Variants in KCNQ5 observed in about 807,000 individuals in gnomAD.
KCNQ5 encodes potassium voltage-gated channel subfamily KQT member 5.
Under a neutral mutation model 98.2 loss-of-function variants are expected in KCNQ5, and 30 were observed. The ratio of observed to expected loss-of-function variants is 0.31; its 90% confidence interval spans 0.23 to 0.41. The LOEUF (loss-of-function observed/expected upper bound fraction) is 0.41. Ranked by LOEUF, KCNQ5 falls within the 10% of genes least tolerant of loss-of-function variation. KCNQ5 has a pLI of 1.00. For missense variants in KCNQ5, 835 were observed against 1,182.5 expected, an observed-to-expected ratio of 0.71 and a Z score of 4.31; for synonymous variants, 458 against 449.4, an observed-to-expected ratio of 1.02 and a Z score of -0.24.
chr6:72,689,999 C>T (rs1028088348), intron 1 of KCNQ5, among the ~76,000 whole-genome samples: 3 of 152,130 alleles, frequency 2.0e-5, no homozygotes, highest in East Asian at 1.9e-4. Flanking sequence ...AATGGCCAGG[C>T]GCGGTTGCTT....
intron 1 of KCNQ5, among the ~76,000 whole-genome samples, chr6:72,651,127 A>T (rs925921589): frequency 2.6e-5 from 4 of 152,122 alleles, no homozygotes; most frequent in African/African-American, 9.7e-5. Flanking sequence ...ATTTGTTCAT[A>T]TATTTAACAT....
At chr6:72,880,034 A>G (rs928330452) in intron 1 of KCNQ5, among the ~76,000 whole-genome samples, 3 of 152,102 alleles carry the variant, frequency 2.0e-5, no homozygotes, top group Non-Finnish European at 2.9e-5. Context: ...GTTATGTCTA[A>G]TCTTGGATCT....
intron 9 of KCNQ5, among the ~76,000 whole-genome samples, chr6:73,125,038 G>T (rs4706530): frequency 0.99 from 129,228 of 130,792 alleles, 63,848 homozygotes; most frequent in East Asian, 1. Context: ...TATATGTATA[G>T]GTATATATAC....
At chr6:72,637,264 A>T (rs375834716) in intron 1 of KCNQ5, among the ~76,000 whole-genome samples, 1 of 142,344 alleles carries the variant, frequency 7.0e-6, no homozygotes, top group Non-Finnish European at 1.6e-5. Flanking sequence ...GTTTTTTTTT[A>T]ACAAAATGAA....
intron 1 of KCNQ5, among the ~76,000 whole-genome samples, chr6:72,923,517 G>A (rs1239933053): frequency 1.3e-5 from 2 of 152,070 alleles, no homozygotes; most frequent in African/African-American, 4.8e-5. Flanking sequence ...ATACCTGCCA[G>A]TCATTTGTGT....
intron 1 of KCNQ5, among the ~76,000 whole-genome samples, chr6:72,780,847 G>A (rs1773427281): frequency 6.6e-6 from 1 of 152,056 alleles, no homozygotes; most frequent in South Asian, 2.1e-4. Flanking sequence ...ACTTACTCTG[G>A]ATCAGGCACT....
chr6:72,882,388 G>T (rs1778667605), intron 1 of KCNQ5, among the ~76,000 whole-genome samples: 1 of 152,130 alleles, frequency 6.6e-6, no homozygotes, highest in South Asian at 2.1e-4. Context: ...GCAGAGCAGG[G>T]TACGGGCATC....
intron 1 of KCNQ5, among the ~76,000 whole-genome samples, chr6:72,805,009 A>G (rs1401212484): frequency 3.3e-5 from 5 of 152,010 alleles, no homozygotes; most frequent in Admixed American, 3.3e-4. Context: ...TTAAAATCAG[A>G]TTATTGGATT....
At chr6:73,076,963 C>T (rs919846592) in intron 3 of KCNQ5, among the ~76,000 whole-genome samples, 2 of 152,134 alleles carry the variant, frequency 1.3e-5, no homozygotes, top group South Asian at 2.1e-4. Flanking sequence ...AAGGATGAAA[C>T]GAGAGACATT....
At chr6:72,854,489 A>T (rs1432819395) in intron 1 of KCNQ5, among the ~76,000 whole-genome samples, 2 of 151,804 alleles carry the variant, frequency 1.3e-5, no homozygotes, top group Non-Finnish European at 2.9e-5. Flanking sequence ...ATTCAATATT[A>T]CTATGAAATT....
intron 1 of KCNQ5, among the ~76,000 whole-genome samples, chr6:72,768,069 A>G (rs1772670362): frequency 6.6e-6 from 1 of 152,122 alleles, no homozygotes; most frequent in African/African-American, 2.4e-5. Context: ...TGTTCATAAT[A>G]GCCTAAAAGT....
chr6:72,888,777 C>T (rs1778946201), intron 1 of KCNQ5, among the ~76,000 whole-genome samples: 1 of 152,150 alleles, frequency 6.6e-6, no homozygotes, highest in South Asian at 2.1e-4. Context: ...TACTTTTCTG[C>T]CATGTTGCAT....
At chr6:72,704,786 C>T (rs565801554) in intron 1 of KCNQ5, among the ~76,000 whole-genome samples, 103 of 152,018 alleles carry the variant, frequency 6.8e-4, no homozygotes, top group Non-Finnish European at 1.2e-3. Context: ...AAACAACATG[C>T]TATGTCTTTC....
At chr6:73,164,084 T>G (rs563716346) in intron 10 of KCNQ5, among the ~76,000 whole-genome samples, 1 of 152,334 alleles carries the variant, frequency 6.6e-6, no homozygotes, top group Admixed American at 6.5e-5. Context: ...ATGTAGAAAT[T>G]TGGTGACGTT....
At chr6:72,847,459 C>A (rs1391719070) in intron 1 of KCNQ5, among the ~76,000 whole-genome samples, 1 of 152,224 alleles carries the variant, frequency 6.6e-6, no homozygotes, top group Non-Finnish European at 1.5e-5. Context: ...CTGCATCCAA[C>A]AGAGTCTTTA....
chr6:72,673,905 CA>C (rs1439102955), intron 1 of KCNQ5, among the ~76,000 whole-genome samples: 1 of 152,100 alleles, frequency 6.6e-6, no homozygotes, highest in Non-Finnish European at 1.5e-5. Context: ...TAAATTGAAC[CA>C]AATGTTCTCA....
At chr6:72,862,473 A>C (rs1316976) in intron 1 of KCNQ5, among the ~76,000 whole-genome samples, 65,300 of 151,896 alleles carry the variant, frequency 0.43, 14,623 homozygotes, top group South Asian at 0.51. Context: ...AGTACTTTTT[A>C]AATCCCTCAG....
intron 1 of KCNQ5, among the ~76,000 whole-genome samples, chr6:72,972,555 C>G (rs991258963): frequency 9.8e-4 from 149 of 151,290 alleles, no homozygotes; most frequent in African/African-American, 3.6e-3. Flanking sequence ...CATGTGTTCT[C>G]AATGTTCAAC....
intron 1 of KCNQ5, among the ~76,000 whole-genome samples, chr6:72,979,648 T>C (rs185811708): frequency 1.3e-5 from 2 of 152,338 alleles, no homozygotes; most frequent in Admixed American, 1.3e-4. Flanking sequence ...CTGATGGTAG[T>C]TTCTTTTGCC....
Sources: gnomAD v4.1 joint callset for allele counts (sites outside exome capture counted in the v4.1 genomes callset) on GRCh38, gnomAD v4.1.1 for gene constraint, MANE v1.5 for transcripts, NCBI Gene and HGNC (gene_info 2026-07-23, HGNC 2026-07-21) for gene names.